GDAP1: variants seen among roughly 807,000 people sequenced by gnomAD.
The protein encoded by GDAP1 is ganglioside induced differentiation associated protein 1, also known as ganglioside-induced differentiation-associated protein 1.
In GDAP1, 34 loss-of-function variants were observed where a neutral mutation model predicts 40.1. That is an observed-to-expected ratio of 0.85 (90% confidence interval 0.64 to 1.13). The LOEUF (loss-of-function observed/expected upper bound fraction) is 1.13, where lower values mean the gene tolerates loss of function less well. GDAP1 is among the 50% of genes most tolerant of loss of function. GDAP1 has a pLI of 0.00. For synonymous variants in GDAP1, 170 were observed against 157.4 expected, an observed-to-expected ratio of 1.08 and a Z score of -0.60; for missense variants, 374 against 433.7, an observed-to-expected ratio of 0.86 and a Z score of 1.22.
chr8:74,371,521 G>A (rs545310779), downstream of GDAP1, among the ~76,000 whole-genome samples: 5 of 152,006 alleles, frequency 3.3e-5, no homozygotes, highest in East Asian at 5.8e-4. Context: ...TTAGCCGGGC[G>A]TGGTAGCGGG....
At chr8:74,379,302 G>A (rs1248515643) in intron 2 of GDAP1, among the ~76,000 whole-genome samples, 1 of 152,116 alleles carries the variant, frequency 6.6e-6, no homozygotes, top group Non-Finnish European at 1.5e-5. Flanking sequence ...GTCCCGCAAC[G>A]CTGCAAATCA....
intron 2 of GDAP1, among the ~76,000 whole-genome samples, chr8:74,469,666 C>T (rs1434054305): frequency 7.5e-6 from 1 of 133,312 alleles, no homozygotes; most frequent in Non-Finnish European, 1.6e-5. Flanking sequence ...GAGACTCCGT[C>T]TCAAAAAAAA....
intron 2 of GDAP1, among the ~76,000 whole-genome samples, chr8:74,441,361 A>G (rs1806160528): frequency 6.6e-6 from 1 of 152,192 alleles, no homozygotes. Flanking sequence ...TACCATGGAC[A>G]TCAAATGGAT....
At chr8:74,420,031 C>A (rs1245487037) in intron 2 of GDAP1, among the ~76,000 whole-genome samples, 3 of 152,182 alleles carry the variant, frequency 2.0e-5, no homozygotes, top group Non-Finnish European at 4.4e-5. Flanking sequence ...GTCCTTATGA[C>A]AATACCACAC....
chr8:74,425,140 TGA>T (rs1456042190), intron 2 of GDAP1, among the ~76,000 whole-genome samples: 1 of 152,210 alleles, frequency 6.6e-6, no homozygotes, highest in African/African-American at 2.4e-5. Flanking sequence ...GCTTTGTGGA[TGA>T]CCTTGGCAAT....
At chr8:74,485,930 G>T (rs1378994468) in intron 2 of GDAP1, among the ~76,000 whole-genome samples, 2 of 152,192 alleles carry the variant, frequency 1.3e-5, no homozygotes, top group African/African-American at 4.8e-5. Context: ...TGACCCAAAA[G>T]TGGTGAGTGG....
intron 2 of GDAP1, among the ~76,000 whole-genome samples, chr8:74,378,845 C>T (rs951337521): frequency 6.6e-6 from 1 of 152,186 alleles, no homozygotes; most frequent in Non-Finnish European, 1.5e-5. Context: ...AACCCACTTC[C>T]TCTGTGAGTT....
intron 2 of GDAP1, among the ~76,000 whole-genome samples, chr8:74,430,452 T>C (rs1046756345): frequency 6.6e-6 from 1 of 152,158 alleles, no homozygotes; most frequent in African/African-American, 2.4e-5. Flanking sequence ...TCTATGCAGT[T>C]GTTAAAGGAA....
rs1056102475 is a variant in GDAP1, at chr8:74,350,549, C to G, written c.88C>G (p.His30Asp). The G allele has an allele frequency of 6.2e-7, 1 of 1,608,456 alleles. No homozygotes were observed. The highest frequency in any genetic ancestry group is 1.3e-5 in the African/African-American group (1 of 74,962). Residue 30 changes from histidine to aspartate, a missense_variant, in exon 1 of 6, where the codon CAT becomes GAT. His to Asp is a moderately conservative substitution (Grantham distance 81). Transcript: ENST00000220822. ...CGCGGAGGTTAAGCTCATTCTGTAC[C>G]ATTGGACGCATTCCTTCAGCTCTCA... The part of the protein sequence containing the change: ...ADAEVKLILY[H>D]WTHSFSSQKV...
chr8:74,362,007 A>G, intron 4 of GDAP1, 29 bp downstream of exon 4: 2 of 1,078,010 alleles, frequency 1.9e-6, no homozygotes, highest in Non-Finnish European at 2.9e-6. Flanking sequence ...CTCAGTTGAC[A>G]TACACTGCAC....
intron 2 of GDAP1, among the ~76,000 whole-genome samples, chr8:74,458,267 A>G (rs1315217244): frequency 1.3e-5 from 2 of 151,828 alleles, no homozygotes; most frequent in African/African-American, 4.8e-5. Context: ...ATTAATATAT[A>G]TAAATTAATA....
At chr8:74,396,984 T>A (rs1810210965) in intron 2 of GDAP1, among the ~76,000 whole-genome samples, 1 of 152,204 alleles carries the variant, frequency 6.6e-6, no homozygotes. Context: ...AGTGTAAAAG[T>A]GTTCCTGTTT....
Position 74,418,035 on chromosome 8 carries a change from A to C in GDAP1, c.165+66714A>C, listed in dbSNP as rs139017594. Among the ~76,000 whole-genome samples, 847 of 152,342 alleles carry C rather than the reference A, an allele frequency of 5.6e-3. 2 individuals carry two copies. The highest frequency in any genetic ancestry group is 7.6e-3 in the Non-Finnish European group (519 of 68,034). Reference sequence around the variant, plus strand: ...ACAAATTGCTGATGAAAGAAATCTAAGAAGGCCTAGATAAGTGGAGAGACA... The same window carrying C: ...ACAAATTGCTGATGAAAGAAATCTACGAAGGCCTAGATAAGTGGAGAGACA... On this transcript the variant is annotated intron_variant, in intron 2 of 2. Transcript: ENST00000523640.
chr8:74,444,252 T>A (rs972047030), intron 2 of GDAP1, among the ~76,000 whole-genome samples: 1 of 143,334 alleles, frequency 7.0e-6, no homozygotes, highest in Non-Finnish European at 1.5e-5. Flanking sequence ...ACACACACAC[T>A]TCCCTTTTCC....
At chr8:74,456,108 C>T (rs747611951) in intron 2 of GDAP1, among the ~76,000 whole-genome samples, 2 of 151,802 alleles carry the variant, frequency 1.3e-5, no homozygotes, top group Non-Finnish European at 2.9e-5. Context: ...TTAACTATAC[C>T]TCAGTGACAA....
chr8:74,415,084 T>C (rs1805761748), intron 2 of GDAP1, among the ~76,000 whole-genome samples: 1 of 150,042 alleles, frequency 6.7e-6, no homozygotes, highest in Admixed American at 6.6e-5. Context: ...AGCAAAGATA[T>C]CCTTCCAGAG....
chr8:74,461,074 A>G (rs10100113), intron 2 of GDAP1, among the ~76,000 whole-genome samples: 90,696 of 152,024 alleles, frequency 0.6, 27,226 homozygotes, highest in South Asian at 0.7. Context: ...GGCCACTGCC[A>G]ATGCTTTGTC....
At chr8:74,422,350 TTCCCTTCCTTCCTTCCTTCCTTCC>T (rs1339725425) in intron 2 of GDAP1, among the ~76,000 whole-genome samples, 18 of 47,640 alleles carry the variant, frequency 3.8e-4, no homozygotes, top group African/African-American at 1.3e-3. Context: ...TCTTTCTTTC[TTCCCTTCCTTCCTTCCTTCCTTCC>T]TTCCTTCCTT....
chr8:74,377,792 A>C (rs1809882098), intron 2 of GDAP1, among the ~76,000 whole-genome samples: 1 of 152,244 alleles, frequency 6.6e-6, no homozygotes, highest in African/African-American at 2.4e-5. Flanking sequence ...AAGAAATCAC[A>C]ACCAATATCC....
Sources: gnomAD v4.1 joint callset for allele counts (sites outside exome capture counted in the v4.1 genomes callset) on GRCh38, gnomAD v4.1.1 for gene constraint, MANE v1.5 for transcripts, NCBI Gene and HGNC (gene_info 2026-07-23, HGNC 2026-07-21) for gene names.